Variants in DMD observed in about 807,000 individuals in gnomAD.
DMD encodes mutant dystrophin.
A neutral mutation model predicts 330.1 loss-of-function variants in DMD; 63 were observed. The ratio of observed to expected loss-of-function variants is 0.19; its 90% CI spans 0.16 to 0.24. The LOEUF is 0.24. Among genes scored for constraint, DMD ranks in the 10% least tolerant of loss-of-function variants. The probability of loss-of-function intolerance (pLI) is 1.00; values close to 1 mark genes in which losing one functional copy is unlikely to be tolerated. For missense variants in DMD, 3,344 were observed against 2,684.1 expected, an observed-to-expected ratio of 1.25 and a Z score of -5.43; for synonymous variants, 1,223 against 959.8, an observed-to-expected ratio of 1.27 and a Z score of -5.07.
intron 2 of DMD, among the ~76,000 whole-genome samples, chrX:32,896,036 G>T (rs771123233): frequency 9.0e-6 from 1 of 111,537 alleles, no homozygotes; most frequent in Non-Finnish European, 1.9e-5. Flanking sequence ...TGACTTATAA[G>T]AAAAATTAAA....
chrX:32,595,338 A>T (rs761257700), intron 13 of DMD, among the ~76,000 whole-genome samples: 5 of 111,856 alleles, frequency 4.5e-5, no homozygotes, highest in African/African-American at 1.6e-4. Flanking sequence ...CCACACAAGC[A>T]TCACCTTGGA....
At position 32,825,594 on chromosome X, in the gene DMD, C is replaced by T. The variant is rs750901756; in HGVS notation, c.265-2207G>A. ...CCAATTATCATAGTAACATTATTCA[C>T]AATAGCCAAAATGTGAGAACACCCA... On this transcript the variant is annotated intron_variant, in intron 4 of 78. Coordinates refer to ENST00000357033, the MANE Select transcript of DMD (RefSeq NM_004006.3). 5.6e-4 allele frequency among the ~76,000 whole-genome samples: 63 copies of T among 112,033 alleles called. 1 individual carries two copies. The highest frequency in any genetic ancestry group is 1.8e-3 in the African/African-American group (55 of 30,893).
At chrX:31,274,965 T>C (rs112336460) in intron 62 of DMD, among the ~76,000 whole-genome samples, 277 of 110,940 alleles carry the variant, frequency 2.5e-3, no homozygotes, top group Non-Finnish European at 3.7e-3. Flanking sequence ...GCTTATGATC[T>C]AATGAGAGAA....
intron 13 of DMD, among the ~76,000 whole-genome samples, chrX:32,593,871 TCCTGGAAG>T (rs2055216237): frequency 8.9e-6 from 1 of 112,474 alleles, no homozygotes; most frequent in East Asian, 2.8e-4. Context: ...CGCACTGACA[TCCTGGAAG>T]CCTCTAAAGT....
intron 44 of DMD, among the ~76,000 whole-genome samples, chrX:32,061,352 G>A (rs147646447): frequency 0.015 from 1,655 of 111,134 alleles, 17 homozygotes; most frequent in Non-Finnish European, 0.023. Flanking sequence ...CACTGGGCTC[G>A]TATTCCTCAT....
In DMD at chrX:31,444,775, T is replaced by C. The variant is rs760645089; in HGVS notation, c.8938-148A>G. 4 of 637,543 alleles carry C rather than the reference T, an allele frequency of 6.3e-6. No individual in the cohort carries two copies. The African/African-American group carries it at 8.9e-5, about 14-fold the overall frequency. 52.5% of individuals were successfully genotyped at this position (637,543 alleles called of 1,213,427 possible). A position where few individuals can be genotyped will look rare whatever the true frequency, so the allele number is the denominator to read the frequency against. On this transcript the variant is annotated intron_variant, in intron 59 of 78. Transcript: ENST00000357033. ...ATGTTTGTGTCCCCCCTCAAATTCCTATGTTGAAATCCTAAAAAATAAAAA... is the reference window on the plus strand; with the variant it reads ...ATGTTTGTGTCCCCCCTCAAATTCCCATGTTGAAATCCTAAAAAATAAAAA...
At chrX:33,033,480 G>A (rs924091845) in intron 1 of DMD, among the ~76,000 whole-genome samples, 7 of 106,800 alleles carry the variant, frequency 6.6e-5, no homozygotes, top group African/African-American at 2.5e-4. Flanking sequence ...GGAGGCCGAG[G>A]TGGGCGGATC....
At chrX:32,111,693 C>T (rs2096590131) in intron 44 of DMD, among the ~76,000 whole-genome samples, 1 of 111,362 alleles carries the variant, frequency 9.0e-6, no homozygotes, top group African/African-American at 3.3e-5. Context: ...CCCAACTGTG[C>T]AGCCTGGAAT....
At chrX:32,254,172 G>T (rs776881823) in intron 43 of DMD, among the ~76,000 whole-genome samples, 1 of 111,496 alleles carries the variant, frequency 9.0e-6, no homozygotes, top group South Asian at 3.8e-4. Flanking sequence ...CTCCCAAGTA[G>T]CTGGGATTAC....
chrX:32,706,429 C>A (rs1053454153), intron 7 of DMD, among the ~76,000 whole-genome samples: 3 of 109,998 alleles, frequency 2.7e-5, no homozygotes, highest in African/African-American at 9.9e-5. Context: ...TGATACACGC[C>A]TCTAATCCCA....
At chrX:32,163,929 A>T (rs1341123605) in intron 44 of DMD, among the ~76,000 whole-genome samples, 1 of 111,636 alleles carries the variant, frequency 9.0e-6, no homozygotes, top group Non-Finnish European at 1.9e-5. Flanking sequence ...AATACTGCAT[A>T]TACACGGCAT....
At chrX:31,351,105 T>C (rs1236416774) in intron 60 of DMD, among the ~76,000 whole-genome samples, 1 of 109,549 alleles carries the variant, frequency 9.1e-6, no homozygotes, top group Non-Finnish European at 1.9e-5. Context: ...AGTCTCCAAC[T>C]GCATGAGATA....
chrX:32,697,765 C>G, intron 9 of DMD, 105 bp downstream of exon 9: 1 of 1,090,587 alleles, frequency 9.2e-7, no homozygotes, highest in South Asian at 1.9e-5. Flanking sequence ...CAGCTCTTCA[C>G]GAGGAGATAA....
In DMD at chrX:32,683,575, T is replaced by C. The variant is rs753120624; in HGVS notation, c.960+14295A>G. Among the ~76,000 whole-genome samples, 526 of 91,810 alleles carry C rather than the reference T, an allele frequency of 5.7e-3. 10 individuals are homozygous for C. Among genetic ancestry groups the C allele is most frequent in the African/African-American group, 0.021 (499 of 23,743 alleles). The allele number at this position is 91,810 out of a possible 115,157, so 79.7% of individuals were successfully genotyped here. On this transcript the variant is annotated intron_variant, in intron 9 of 78. Transcript: ENST00000357033. ...ACCAAACACCGCATGTTCTCACTCATAGGTGGGAATCGAACAATGAGAACA... is the reference window on the plus strand; with the variant it reads ...ACCAAACACCGCATGTTCTCACTCACAGGTGGGAATCGAACAATGAGAACA...
At chrX:32,395,095 A>G (rs55717144) in intron 30 of DMD, among the ~76,000 whole-genome samples, 20,225 of 110,236 alleles carry the variant, frequency 0.18, 1,724 homozygotes, top group African/African-American at 0.33. Context: ...CCAAGGTAAC[A>G]TAACTAGGAA....
intron 7 of DMD, among the ~76,000 whole-genome samples, chrX:32,807,965 C>T (rs1210980692): frequency 8.9e-6 from 1 of 112,245 alleles, no homozygotes; most frequent in Non-Finnish European, 1.9e-5. Flanking sequence ...AACATATTAA[C>T]AGCCTTATCT....
At chrX:32,868,473 C>A (rs1441116137) in intron 2 of DMD, among the ~76,000 whole-genome samples, 1 of 111,881 alleles carries the variant, frequency 8.9e-6, no homozygotes, top group African/African-American at 3.3e-5. Context: ...GCAGCCATCA[C>A]GGTGGCTACC....
rs200922834 is a variant in DMD at position 32,665,329 on chromosome X, T to TA, written c.961-20178dup. ...AATTCTTTTCTGTACCACTGAACCT[T>TA]AGTGTTCTCGTCTGAAAATGGGAAT... On this transcript the variant is annotated intron_variant, in intron 9 of 78. Coordinates refer to ENST00000357033, the MANE Select transcript of DMD (RefSeq NM_004006.3). Among the ~76,000 whole-genome samples, 393 of 111,414 alleles carry TA rather than the reference T, an allele frequency of 3.5e-3. 7 individuals are homozygous for TA. Among genetic ancestry groups the TA allele is most frequent in the Admixed American group, 0.03 (316 of 10,502 alleles).
chrX:32,326,834 G>A (rs1334054225), intron 41 of DMD, among the ~76,000 whole-genome samples: 1 of 109,495 alleles, frequency 9.1e-6, no homozygotes, highest in East Asian at 2.9e-4. Flanking sequence ...TTGAACCTGG[G>A]AGACAGAGGG....
Sources: gnomAD v4.1 joint callset for allele counts (sites outside exome capture counted in the v4.1 genomes callset) on GRCh38, gnomAD v4.1.1 for gene constraint, MANE v1.5 for transcripts, NCBI Gene and HGNC (gene_info 2026-07-23, HGNC 2026-07-21) for gene names.